CRTAC1: variants seen among roughly 807,000 people sequenced by gnomAD.
CRTAC1 encodes acidic secreted protein in cartilage.
A neutral mutation model predicts 67.8 loss-of-function variants in CRTAC1; 37 were observed. The ratio of observed to expected loss-of-function variants is 0.55; its 90% CI spans 0.42 to 0.72. The LOEUF is 0.72. CRTAC1 is among the 30% of genes least tolerant of loss of function. CRTAC1 has a pLI of 0.00. For synonymous variants in CRTAC1, 348 were observed against 371.0 expected, an observed-to-expected ratio of 0.94 and a Z score of 0.71; for missense variants, 780 against 931.6, an observed-to-expected ratio of 0.84 and a Z score of 2.12.
chr10:97,952,227 C>T (rs1488062393), intron 2 of CRTAC1, among the ~76,000 whole-genome samples: 2 of 151,980 alleles, frequency 1.3e-5, no homozygotes, highest in Non-Finnish European at 1.5e-5. Context: ...TGGTGGGCAC[C>T]TGTAGTCCCA....
At chr10:97,980,688 C>T (rs2051879483) in intron 2 of CRTAC1, among the ~76,000 whole-genome samples, 1 of 152,202 alleles carries the variant, frequency 6.6e-6, no homozygotes, top group African/African-American at 2.4e-5. Flanking sequence ...TGAACTTAGA[C>T]ACGGAGGCAC....
intron 1 of CRTAC1, among the ~76,000 whole-genome samples, chr10:98,027,626 G>A (rs527793825): frequency 1.4e-5 from 2 of 146,676 alleles, no homozygotes; most frequent in African/African-American, 5.5e-5. Context: ...ATAATGAGAC[G>A]AGATTGTAGA....
chr10:97,993,188 T>C lies in CRTAC1; in HGVS notation c.224+17950A>G, dbSNP rs114130689. On this transcript the variant is annotated intron_variant, in intron 2 of 14. Coordinates refer to ENST00000370597, the MANE Select transcript of CRTAC1 (RefSeq NM_018058.7). ...ACTGGAGGCTCAATGATACTGTCAG[T>C]CCCTTGGGACTACTCAGCCAACAAA... Among the ~76,000 whole-genome samples the C allele has an allele frequency of 3.5e-3, 531 of 152,196 alleles. 1 individual carries two copies. The highest frequency in any genetic ancestry group is 0.012 in the African/African-American group (499 of 41,530).
chr10:98,022,159 C>A lies in CRTAC1; in HGVS notation c.24+8290G>T, dbSNP rs529336418. On this transcript the variant is annotated intron_variant, in intron 1 of 14. Transcript: ENST00000370597. ...TCACAGGAGGTCAGGAGTTTGAGAC[C>A]AGCCTGACCAACATGGAGAAACCCC... Among the ~76,000 whole-genome samples, 3 of 152,070 alleles carry A rather than the reference C, an allele frequency of 2.0e-5. No homozygotes were observed. The South Asian group carries it at 6.2e-4, about 32-fold the overall frequency.
At chr10:97,934,477 C>CCTGCCT (rs996292684) in intron 3 of CRTAC1, among the ~76,000 whole-genome samples, 2 of 149,984 alleles carry the variant, frequency 1.3e-5, no homozygotes, top group Admixed American at 1.3e-4. Flanking sequence ...ACTGCCTGCC[C>CCTGCCT]CTGCCCCTGG....
At chr10:97,922,420 C>T (rs2050854107) in intron 4 of CRTAC1, among the ~76,000 whole-genome samples, 1 of 152,242 alleles carries the variant, frequency 6.6e-6, no homozygotes, top group Non-Finnish European at 1.5e-5. Context: ...ACCTCTTGCC[C>T]CTGCCCCCAG....
intron 2 of CRTAC1, among the ~76,000 whole-genome samples, chr10:97,992,510 A>G (rs1010363767): frequency 6.6e-6 from 1 of 152,240 alleles, no homozygotes; most frequent in Non-Finnish European, 1.5e-5. Context: ...TCATTGCAAC[A>G]TTATTCACAA....
intron 14 of CRTAC1, chr10:97,870,865 G>A (rs1385177995): frequency 6.6e-6 from 1 of 152,078 alleles, no homozygotes; most frequent in Admixed American, 6.5e-5. Flanking sequence ...TCTTAACCTC[G>A]ACCCGACTGC....
At chr10:97,926,730 A>T (rs1230902945) in intron 3 of CRTAC1, among the ~76,000 whole-genome samples, 2 of 152,180 alleles carry the variant, frequency 1.3e-5, no homozygotes, top group African/African-American at 4.8e-5. Context: ...TTTCCCACAA[A>T]ACTTAAAAAA....
chr10:97,879,780 C>T (rs948896170), intron 14 of CRTAC1: 63 of 1,549,182 alleles, frequency 4.1e-5, no homozygotes, highest in Admixed American at 5.9e-5. Flanking sequence ...TGAAGAATAC[C>T]CACCTAAAAA....
rs1590208390 is a variant in CRTAC1 at position 97,918,806 on chromosome 10, T to C, written c.559-1150A>G. 2.9e-5 allele frequency among the ~76,000 whole-genome samples: 4 copies of C among 135,854 alleles called. No homozygotes were observed. The Admixed American group carries it at 3.0e-4, about 10-fold the overall frequency. 89.1% of individuals were successfully genotyped at this position (135,854 alleles called of 152,430 possible). A position where few individuals can be genotyped will look rare whatever the true frequency, so the allele number is the denominator to read the frequency against. On this transcript the variant is annotated intron_variant, in intron 4 of 14. Transcript: ENST00000370597. ...TTTTGGTGTTTTTTGTTTTTTTTTT[T>C]TGGGTCTCACTCTGTTGCCCTGGCT...
At chr10:98,004,402 G>T (rs910852123) in intron 2 of CRTAC1, among the ~76,000 whole-genome samples, 1 of 152,162 alleles carries the variant, frequency 6.6e-6, no homozygotes, top group Non-Finnish European at 1.5e-5. Context: ...AGCATACATG[G>T]CTGTACACAC....
At chr10:98,007,249 C>T (rs568880385) in intron 2 of CRTAC1, among the ~76,000 whole-genome samples, 2 of 152,096 alleles carry the variant, frequency 1.3e-5, no homozygotes, top group Admixed American at 6.6e-5. Context: ...ATGGAGCCTC[C>T]GAATACTATA....
intron 11 of CRTAC1, among the ~76,000 whole-genome samples, chr10:97,884,813 T>C (rs894449233): frequency 1.3e-4 from 20 of 152,076 alleles, no homozygotes; most frequent in African/African-American, 4.6e-4. Flanking sequence ...GATAAGCAGG[T>C]TGTCTTTGGA....
chr10:98,023,355 AG>A (rs1843159847), intron 1 of CRTAC1, among the ~76,000 whole-genome samples: 1 of 152,164 alleles, frequency 6.6e-6, no homozygotes, highest in Non-Finnish European at 1.5e-5. Flanking sequence ...TCGAATACCA[AG>A]GGTCACCTCT....
chr10:97,913,135 A>AGTGTGTGT (rs1255801677), intron 5 of CRTAC1, among the ~76,000 whole-genome samples: 1 of 150,878 alleles, frequency 6.6e-6, no homozygotes, highest in African/African-American at 2.4e-5. Context: ...AGAGAGAGAG[A>AGTGTGTGT]GTGTGTGTGT....
chr10:97,957,354 G>A (rs1254908488), intron 2 of CRTAC1, among the ~76,000 whole-genome samples: 5 of 152,076 alleles, frequency 3.3e-5, no homozygotes, highest in Admixed American at 6.6e-5. Flanking sequence ...GAGGTGGGCC[G>A]GGGACAGCAC....
intron 2 of CRTAC1, among the ~76,000 whole-genome samples, chr10:97,950,272 G>GAGAGAGAGAGAGAGAT (rs2051333832): frequency 7.9e-5 from 12 of 151,780 alleles, no homozygotes; most frequent in South Asian, 2.1e-4. Flanking sequence ...GAGAGAGAGA[G>GAGAGAGAGAGAGAGAT]AGAGAGAGAG....
intron 13 of CRTAC1, among the ~76,000 whole-genome samples, chr10:97,882,571 G>T (rs2050229712): frequency 6.6e-6 from 1 of 152,210 alleles, no homozygotes; most frequent in South Asian, 2.1e-4. Context: ...TTCCAGAACC[G>T]CAGTGATTCA....
Sources: allele counts gnomAD v4.1 joint callset (sites outside exome capture counted in the v4.1 genomes callset), GRCh38; gene constraint gnomAD v4.1.1; transcripts MANE v1.5; gene names NCBI Gene and HGNC (gene_info 2026-07-23, HGNC 2026-07-21).